LAMA2: variants seen among roughly 807,000 people sequenced by gnomAD.
LAMA2 encodes laminin subunit alpha 2, also known as laminin subunit alpha-2.
A neutral mutation model predicts 364.8 loss-of-function variants in LAMA2; 269 were observed. The observed-to-expected ratio is 0.74, with a 90% confidence interval of 0.67 to 0.82. The LOEUF is 0.82. Among genes scored for constraint, LAMA2 ranks in the 40% least tolerant of loss-of-function variants. The pLI, the probability that LAMA2 is intolerant of heterozygous loss-of-function variation, is 0.00. For missense variants in LAMA2, 3,807 were observed against 3,873.2 expected (o/e 0.98, Z 0.45); for synonymous variants, 1,379 against 1,370.6 (o/e 1.01, Z -0.14).
At chr6:129,387,241 G>A (rs979558780) in intron 35 of LAMA2, among the ~76,000 whole-genome samples, 13 of 151,956 alleles carry the variant, frequency 8.6e-5, no homozygotes, top group African/African-American at 3.1e-4. Context: ...GTGCCATGGT[G>A]GTTTGCTGCA....
At chr6:129,454,898 A>G (rs1782875663) in intron 47 of LAMA2, among the ~76,000 whole-genome samples, 1 of 151,784 alleles carries the variant, frequency 6.6e-6, no homozygotes, top group Non-Finnish European at 1.5e-5. Flanking sequence ...CCAATTCTCA[A>G]CTCCCTGTTA....
chr6:129,499,616 A>G (rs1785467237), intron 58 of LAMA2, among the ~76,000 whole-genome samples: 1 of 152,234 alleles, frequency 6.6e-6, no homozygotes, highest in Non-Finnish European at 1.5e-5. Flanking sequence ...AAGCTTGAGC[A>G]GCTGGATGAG....
chr6:129,177,750 G>A lies in LAMA2; in HGVS notation c.1351G>A (p.Val451Met). ...SCHCKTGFGGVSCDRCARGYT... is the reference protein window; with the variant it reads ...SCHCKTGFGGMSCDRCARGYT... ...TCATTGCAAAACTGGTTTTGGAGGT[G>A]TGAGCTGTGATCGGTGTGCCAGGGG... The change falls in exon 10 of 65, where the codon GTG (valine) becomes ATG (methionine). Residue 451 changes from valine to methionine, a missense_variant. By Grantham distance (21) the Val-to-Met change is conservative (BLOSUM62 1). Coordinates refer to ENST00000421865, the MANE Select transcript of LAMA2 (RefSeq NM_000426.4). 6.2e-7 allele frequency: 1 copy of A among 1,614,012 alleles called. No homozygotes were observed. Among genetic ancestry groups the A allele is most frequent in the Non-Finnish European group, 8.5e-7 (1 of 1,179,948 alleles).
In LAMA2 at chr6:129,204,477, GA is replaced by G. The variant is rs11423987; in HGVS notation, c.1782+11638del. Among the ~76,000 whole-genome samples the G allele has an allele frequency of 8.9e-3, 1,174 of 131,512 alleles. 3 individuals carry two copies. The highest frequency in any genetic ancestry group is 0.014 in the Non-Finnish European group (818 of 60,432). The allele number at this position is 131,512 out of a possible 152,430, so 86.3% of individuals were successfully genotyped here. A position where few individuals can be genotyped will look rare whatever the true frequency, so the allele number is the denominator to read the frequency against. On this transcript the variant is annotated intron_variant, in intron 12 of 64. Coordinates refer to ENST00000421865, the MANE Select transcript of LAMA2 (RefSeq NM_000426.4). ...AACGCAATATGACTGGTATCCTTAT[GA>G]AAAAAAAAAAAAAGGACAATTTGGA...
rs777870520 is a variant in LAMA2, at chr6:129,287,880, A to G, written c.2571A>G (p.Val857=). Residue 857 remains valine (V), a synonymous_variant, in exon 19 of 65, where the codon GTA becomes GTG. Coordinates refer to ENST00000421865, the MANE Select transcript of LAMA2 (RefSeq NM_000426.4). ...AAGGCTATTTTGGACAACCCTCTGT[A>G]CCTGGAGGATCATGTCAGCCATGCC... ...CAEGYFGQPS[V]PGGSCQPCQC... 7.4e-6 allele frequency: 12 copies of G among 1,613,892 alleles called. No individual in the cohort carries two copies. The African/African-American group carries it at 1.3e-4, about 18-fold the overall frequency.
rs145842163 is a variant in LAMA2, at chr6:129,512,423, C to T, written c.8918C>T (p.Thr2973Met). ...LVEFEFRTTT[T>M]TGVLLGISSQ... ...GAATTTGAATTCCGCACAACTACAACGACTGGAGTTCTTCTGGGGATCAGT... is the reference window on the plus strand; with the variant it reads ...GAATTTGAATTCCGCACAACTACAATGACTGGAGTTCTTCTGGGGATCAGT... Residue 2973 changes from threonine (T) to methionine (M), a missense_variant, in exon 63 of 65, where the codon ACG becomes ATG. Around this residue, in one of 3 missense-constraint regions of LAMA2, gnomAD observed 3,333 missense variants for 3,345.7 expected, o/e 1.00. Transcript: ENST00000421865. The T allele has an allele frequency of 5.6e-5, 91 of 1,613,074 alleles. No individual in the cohort carries two copies. The highest frequency in any genetic ancestry group is 3.3e-4 in the Middle Eastern group (2 of 6,062).
intron 49 of LAMA2, among the ~76,000 whole-genome samples, chr6:129,463,324 G>A (rs1019219631): frequency 5.3e-5 from 8 of 151,974 alleles, no homozygotes; most frequent in East Asian, 1.9e-4. Context: ...ATTCTATGTC[G>A]AAATATTATA....
chr6:129,504,524 C>T (rs559664733), intron 60 of LAMA2, among the ~76,000 whole-genome samples: 1 of 152,316 alleles, frequency 6.6e-6, no homozygotes, highest in East Asian at 1.9e-4. Flanking sequence ...TAGCATTTCA[C>T]AGGCTTTCAT....
At chr6:129,285,281 A>C (rs1789027027) in intron 18 of LAMA2, among the ~76,000 whole-genome samples, 1 of 152,198 alleles carries the variant, frequency 6.6e-6, no homozygotes, top group Non-Finnish European at 1.5e-5. Flanking sequence ...AATGTGCTGA[A>C]GTGTTGCAGA....
At position 129,117,705 on chromosome 6, in the gene LAMA2, A is replaced by G. The variant is rs547781802; in HGVS notation, c.639+19290A>G. ...ATAATAGCTCACATTCCCCGATCAC[A>G]TGCCTTGTGCCAAGTACCATTCTAA... On this transcript the variant is annotated intron_variant, in intron 4 of 64. Transcript: ENST00000421865. Among the ~76,000 whole-genome samples the G allele has an allele frequency of 4.6e-5, 7 of 152,334 alleles. 1 individual carries two copies. In the South Asian group the frequency reaches 1.5e-3, roughly 32 times the overall value.
rs181314714 is a variant in LAMA2 at position 129,110,300 on chromosome 6, A to G, written c.639+11885A>G. Among the ~76,000 whole-genome samples, 294 of 152,184 alleles carry G rather than the reference A, an allele frequency of 1.9e-3. 1 individual carries two copies. Among genetic ancestry groups the G allele is most frequent in the African/African-American group, 6.6e-3 (276 of 41,556 alleles). ...AAAAGAACTATTAAATGAACTTGAT[A>G]TTATAAGAAGCACTTCAGGTTGTCA... On this transcript the variant is annotated intron_variant, in intron 4 of 64. Transcript: ENST00000421865.
chr6:129,494,143 C>T (rs776095962), intron 58 of LAMA2, among the ~76,000 whole-genome samples: 1 of 152,222 alleles, frequency 6.6e-6, no homozygotes, highest in Non-Finnish European at 1.5e-5. Context: ...ACAGTCACTA[C>T]ACTCTTTACA....
chr6:128,997,314 C>A (rs1017937203), intron 1 of LAMA2, among the ~76,000 whole-genome samples: 3 of 125,814 alleles, frequency 2.4e-5, no homozygotes, highest in Non-Finnish European at 3.2e-5. Flanking sequence ...AAGAAAGAAA[C>A]AAAGAGAGAG....
intron 4 of LAMA2, among the ~76,000 whole-genome samples, chr6:129,142,147 A>T (rs1055050539): frequency 2.0e-5 from 3 of 151,986 alleles, no homozygotes; most frequent in African/African-American, 7.2e-5. Flanking sequence ...CAGTCCTTTG[A>T]TGTGACCAAA....
At chr6:129,279,853 C>T (rs761215593) in intron 17 of LAMA2, among the ~76,000 whole-genome samples, 7 of 152,288 alleles carry the variant, frequency 4.6e-5, no homozygotes, top group Middle Eastern at 3.4e-3. Flanking sequence ...GGATACTGCT[C>T]TCCACTGGGC....
intron 37 of LAMA2, among the ~76,000 whole-genome samples, chr6:129,394,041 AT>A (rs1180224288): frequency 6.6e-6 from 1 of 152,104 alleles, no homozygotes; most frequent in Non-Finnish European, 1.5e-5. Flanking sequence ...TTCCTCCATT[AT>A]TTTTTCTTCT....
chr6:129,174,965 T>C (rs1442079753), intron 9 of LAMA2, among the ~76,000 whole-genome samples: 3 of 152,204 alleles, frequency 2.0e-5, no homozygotes, highest in Non-Finnish European at 2.9e-5. Context: ...AGATAGACAT[T>C]GTTTAATACA....
At chr6:129,490,620 A>C (rs1185761691) in intron 56 of LAMA2, 1 of 152,244 alleles carries the variant, frequency 6.6e-6, no homozygotes, top group Non-Finnish European at 1.5e-5. Context: ...CTTTCAGCTA[A>C]AGGGGAAAAA....
chr6:129,476,300 G>T (rs1784064987), intron 53 of LAMA2, among the ~76,000 whole-genome samples: 2 of 152,178 alleles, frequency 1.3e-5, no homozygotes, highest in South Asian at 4.1e-4. Flanking sequence ...ATACAGAAAT[G>T]AAAGTAGGGA....
Sources: allele counts gnomAD v4.1 joint callset (sites outside exome capture counted in the v4.1 genomes callset), GRCh38; gene constraint gnomAD v4.1.1; regional missense constraint gnomAD v4.1.1; transcripts MANE v1.5; gene names NCBI Gene and HGNC (gene_info 2026-07-23, HGNC 2026-07-21).